The following ESRRB variants were observed in gnomAD, a reference collection of about 807,000 sequenced individuals.
ESRRB encodes estrogen related receptor beta.
ESRRB carries 16 observed loss-of-function variants against 46.0 expected under a neutral mutation model. That is an observed-to-expected ratio of 0.35 (90% CI 0.24 to 0.53). ESRRB has a LOEUF of 0.53. Among genes scored for constraint, ESRRB ranks in the 20% least tolerant of loss-of-function variants. The pLI, the probability that ESRRB is intolerant of heterozygous loss-of-function variation, is 0.93. For synonymous variants in ESRRB, 246 were observed against 259.6 expected, an observed-to-expected ratio of 0.95 and a Z score of 0.50; for missense variants, 488 against 607.4, an observed-to-expected ratio of 0.80 and a Z score of 2.07.
chr14:76,332,888 A>ATTT (rs1884053002), intron 1 of ESRRB, among the ~76,000 whole-genome samples: 11 of 38,468 alleles, frequency 2.9e-4, no homozygotes, highest in African/African-American at 1.2e-3. Flanking sequence ...TATATATTAT[A>ATTT]TATTTATATA....
chr14:76,344,549 G>A (rs1001994618), intron 1 of ESRRB, among the ~76,000 whole-genome samples: 2 of 151,952 alleles, frequency 1.3e-5, no homozygotes, highest in Admixed American at 1.3e-4. Context: ...GAGTTACTTC[G>A]CTTGGAATAA....
At chr14:76,398,548 C>T (rs1283121023) in intron 1 of ESRRB, among the ~76,000 whole-genome samples, 1 of 152,086 alleles carries the variant, frequency 6.6e-6, no homozygotes, top group Non-Finnish European at 1.5e-5. Flanking sequence ...GGAGGCAGTG[C>T]CCTTTCTTGG....
intron 1 of ESRRB, among the ~76,000 whole-genome samples, chr14:76,417,052 G>C (rs1390546615): frequency 6.6e-6 from 1 of 152,068 alleles, no homozygotes; most frequent in South Asian, 2.1e-4. Context: ...CAGGAGAATC[G>C]CTTGAACCCA....
intron 1 of ESRRB, among the ~76,000 whole-genome samples, chr14:76,346,531 G>T (rs1884252496): frequency 6.6e-6 from 1 of 152,200 alleles, no homozygotes; most frequent in Non-Finnish European, 1.5e-5. Flanking sequence ...CTCCCCTGGG[G>T]CTAGGCCTCA....
At chr14:76,384,848 G>T (rs1885155941) in intron 1 of ESRRB, among the ~76,000 whole-genome samples, 1 of 152,070 alleles carries the variant, frequency 6.6e-6, no homozygotes, top group African/African-American at 2.4e-5. Context: ...CGCCTTCTTG[G>T]CCATTTGGCT....
chr14:76,324,098 TGAGG>T (rs1191930707), intron 1 of ESRRB, among the ~76,000 whole-genome samples: 4 of 152,120 alleles, frequency 2.6e-5, no homozygotes, highest in Non-Finnish European at 5.9e-5. Context: ...AGAGCTGTGT[TGAGG>T]GAGTGCTCTC....
rs184240996 is a variant in ESRRB at position 76,491,314 on chromosome 14, G to T, written c.851-133G>T. 23 of 807,308 alleles carry T rather than the reference G, an allele frequency of 2.8e-5. No homozygotes were observed. In the East Asian group the frequency reaches 6.1e-4, roughly 21 times the overall value. The allele number at this position is 807,308 out of a possible 1,614,324, so 50.0% of individuals were successfully genotyped here. ...TACGCTACACAGGGAAAGCCTGGGG[G>T]CAGGATCCAGGGGTGCCAGGGACAC... On this transcript the variant is annotated intron_variant, in intron 5 of 6. Transcript: ENST00000644823.
chr14:76,445,056 C>T (rs1888075884), intron 2 of ESRRB, among the ~76,000 whole-genome samples: 1 of 151,838 alleles, frequency 6.6e-6, no homozygotes, highest in African/African-American at 2.4e-5. Flanking sequence ...CCTGTAATCC[C>T]TGCTTCTTGG....
chr14:76,426,390 G>A (rs1486729049), intron 1 of ESRRB, among the ~76,000 whole-genome samples: 1 of 152,224 alleles, frequency 6.6e-6, no homozygotes, highest in Non-Finnish European at 1.5e-5. Context: ...CTGCCAGGGT[G>A]ACTGGGAAAT....
intron 1 of ESRRB, among the ~76,000 whole-genome samples, chr14:76,364,504 C>G (rs915363952): frequency 3.9e-5 from 6 of 152,100 alleles, no homozygotes; most frequent in African/African-American, 1.4e-4. Flanking sequence ...GCTTGGCCAA[C>G]ATGGTGAAAA....
At chr14:76,469,935 T>G (rs1409968280) in intron 3 of ESRRB, among the ~76,000 whole-genome samples, 3 of 129,126 alleles carry the variant, frequency 2.3e-5, no homozygotes, top group African/African-American at 2.9e-5. Flanking sequence ...TGTTGTTTTT[T>G]TTTTTTTTCT....
chr14:76,420,404 A>G (rs1465837724), intron 1 of ESRRB, among the ~76,000 whole-genome samples: 1 of 152,210 alleles, frequency 6.6e-6, no homozygotes, highest in Admixed American at 6.5e-5. Context: ...TCTTTCTACC[A>G]AACATAATAA....
intron 1 of ESRRB, among the ~76,000 whole-genome samples, chr14:76,417,748 G>A (rs1886766564): frequency 6.6e-6 from 1 of 152,120 alleles, no homozygotes; most frequent in Non-Finnish European, 1.5e-5. Flanking sequence ...ATGGCAGGCA[G>A]TGGATCTGTG....
intron 1 of ESRRB, among the ~76,000 whole-genome samples, chr14:76,324,605 G>T (rs1883905987): frequency 6.6e-6 from 1 of 152,218 alleles, no homozygotes; most frequent in Non-Finnish European, 1.5e-5. Flanking sequence ...AGGACCCTGG[G>T]TGTTGAAGCT....
chr14:76,356,571 T>C (rs550596499), intron 1 of ESRRB, among the ~76,000 whole-genome samples: 1 of 152,308 alleles, frequency 6.6e-6, no homozygotes, highest in Non-Finnish European at 1.5e-5. Flanking sequence ...TTCTGGCCCA[T>C]GGCCATGTGG....
chr14:76,432,132 G>A (rs1202503790), intron 1 of ESRRB, among the ~76,000 whole-genome samples: 1 of 152,156 alleles, frequency 6.6e-6, no homozygotes, highest in African/African-American at 2.4e-5. Flanking sequence ...TAAGTCAGTG[G>A]TTCTCAGCAG....
intron 2 of ESRRB, among the ~76,000 whole-genome samples, chr14:76,440,816 T>TA (rs992622273): frequency 6.6e-6 from 1 of 151,924 alleles, no homozygotes; most frequent in African/African-American, 2.4e-5. Context: ...AGGTGGGCCT[T>TA]GAGGTCAGGA....
In ESRRB at chr14:76,436,351, A is replaced by C. The variant is rs531745946; in HGVS notation, c.51-2990A>C. On this transcript the variant is annotated intron_variant, in intron 1 of 6. Coordinates refer to ENST00000644823, the MANE Select transcript of ESRRB (RefSeq NM_001379180.1). ...GGCACAGATCTGAAACAGGTGACAC[A>C]GAGTACTTGGTCACTACATCATCGC... Among the ~76,000 whole-genome samples, 23 of 152,312 alleles carry C rather than the reference A, an allele frequency of 1.5e-4. No homozygotes were observed. The South Asian group carries it at 4.6e-3, about 30-fold the overall frequency.
At chr14:76,366,444 A>G (rs1260135001), upstream of ESRRB, among the ~76,000 whole-genome samples, 1 of 152,202 alleles carries the variant, frequency 6.6e-6, no homozygotes, top group African/African-American at 2.4e-5. Context: ...GGTGAAAGCC[A>G]GTATGTTAAG....
Sources: gnomAD v4.1 joint callset for allele counts (sites outside exome capture counted in the v4.1 genomes callset) on GRCh38, gnomAD v4.1.1 for gene constraint, MANE v1.5 for transcripts, NCBI Gene and HGNC (gene_info 2026-07-23, HGNC 2026-07-21) for gene names.